The following EIF4EBP1 variants were observed in gnomAD, a reference collection of about 807,000 sequenced individuals.
EIF4EBP1 encodes eukaryotic translation initiation factor 4E-binding protein 1.
A neutral mutation model predicts 9.2 loss-of-function variants in EIF4EBP1; 5 were observed. The observed-to-expected ratio is 0.54, with a 90% CI of 0.28 to 1.14. The LOEUF (loss-of-function observed/expected upper bound fraction) is 1.14. EIF4EBP1 is among the 50% of genes most tolerant of loss of function. The pLI is 0.09. For missense variants in EIF4EBP1, 139 were observed against 169.6 expected, an observed-to-expected ratio of 0.82 and a Z score of 1.00; for synonymous variants, 62 against 67.0, an observed-to-expected ratio of 0.93 and a Z score of 0.36.
In EIF4EBP1 at chr8:38,045,585, G is replaced by C. The variant is rs189176996; in HGVS notation, c.146-11496G>C. On this transcript the variant is annotated intron_variant, in intron 1 of 2. Coordinates refer to ENST00000338825, the MANE Select transcript of EIF4EBP1 (RefSeq NM_004095.4). The stretch of plus-strand genomic sequence containing the variant: ...CTGGGCATGGTGGTGCATGCCTGTA[G>C]TCCCAGCTACTTGGGAGGCTGAGGC... Among the ~76,000 whole-genome samples, 4 of 151,620 alleles carry C rather than the reference G, an allele frequency of 2.6e-5. 1 individual carries two copies. Among genetic ancestry groups the C allele is most frequent in the Admixed American group, 1.3e-4 (2 of 15,206 alleles).
chr8:38,032,542 C>T (rs1199075082), intron 1 of EIF4EBP1, among the ~76,000 whole-genome samples: 1 of 152,152 alleles, frequency 6.6e-6, no homozygotes, highest in Non-Finnish European at 1.5e-5. Context: ...TTCAAATCCA[C>T]TTTTCACTTT....
chr8:38,044,978 A>G (rs555128365), intron 1 of EIF4EBP1, among the ~76,000 whole-genome samples: 2 of 152,280 alleles, frequency 1.3e-5, no homozygotes, highest in Non-Finnish European at 2.9e-5. Flanking sequence ...GCCTTCATTC[A>G]TGCAGCACTC....
Position 38,060,078 on chromosome 8 carries a change from T to C in EIF4EBP1, c.*143T>C. 1.3e-6 allele frequency: 1 copy of C among 777,222 alleles called. No homozygotes were observed. Among genetic ancestry groups the C allele is most frequent in the Non-Finnish European group, 2.3e-6 (1 of 443,096 alleles). The allele number at this position is 777,222 out of a possible 1,614,324, so 48.1% of individuals were successfully genotyped here. The stretch of plus-strand genomic sequence containing the variant: ...GACACCCCAGCCCTTTCTCCCTCAC[T>C]CAGGGCACCTGCCCCCTCCTCTTCG... On this transcript the variant is annotated 3_prime_UTR_variant, in exon 3 of 3. Transcript: ENST00000338825.
intron 2 of EIF4EBP1, among the ~76,000 whole-genome samples, chr8:38,059,577 C>T (rs938742210): frequency 1.8e-4 from 28 of 151,928 alleles, no homozygotes; most frequent in African/African-American, 6.5e-4. Flanking sequence ...CATGGCAAAA[C>T]CCCGGGTCTA....
chr8:38,043,728 G>T (rs1486783821), intron 1 of EIF4EBP1, among the ~76,000 whole-genome samples: 2 of 152,088 alleles, frequency 1.3e-5, no homozygotes, highest in Admixed American at 1.3e-4. Flanking sequence ...TCCCCATCTG[G>T]TATCCAGCAG....
chr8:38,052,869 C>A (rs60005996), intron 1 of EIF4EBP1, among the ~76,000 whole-genome samples: 12,226 of 152,190 alleles, frequency 0.08, 1,341 homozygotes, highest in African/African-American at 0.25. Flanking sequence ...TGACTTTCTG[C>A]ATGCTGCTGT....
Position 38,030,555 on chromosome 8 carries a change from G to C in EIF4EBP1, c.-19G>C, listed in dbSNP as rs1219265163. ...CGGGAGGGCAGCGAGAGGTTCGCGG[G>C]TGCAGCGCACAGGAGACCATGTCCG... On this transcript the variant is annotated 5_prime_UTR_variant, in exon 1 of 3. Transcript: ENST00000338825. 2.0e-6 allele frequency: 3 copies of C among 1,498,058 alleles called. No homozygotes were observed. In the African/African-American group the frequency reaches 4.4e-5, roughly 22 times the overall value. The allele number at this position is 1,498,058 out of a possible 1,614,324, so 92.8% of individuals were successfully genotyped here. A position where few individuals can be genotyped will look rare whatever the true frequency, so the allele number is the denominator to read the frequency against.
At chr8:38,039,616 C>T (rs927336362) in intron 1 of EIF4EBP1, among the ~76,000 whole-genome samples, 3 of 151,886 alleles carry the variant, frequency 2.0e-5, no homozygotes, top group Admixed American at 1.3e-4. Flanking sequence ...GTTGGCCAGG[C>T]TGGTCTCAAA....
At chr8:38,056,080 C>T (rs1385606566) in intron 1 of EIF4EBP1, among the ~76,000 whole-genome samples, 1 of 151,978 alleles carries the variant, frequency 6.6e-6, no homozygotes, top group African/African-American at 2.4e-5. Flanking sequence ...CAGCCTGGAC[C>T]TCCTGGGCTC....
intron 1 of EIF4EBP1, among the ~76,000 whole-genome samples, chr8:38,041,632 C>T (rs915784647): frequency 2.6e-5 from 4 of 152,184 alleles, no homozygotes; most frequent in African/African-American, 9.7e-5. Flanking sequence ...AGGACACCTT[C>T]CTAAAGGTAC....
chr8:38,032,249 A>G (rs530438004), intron 1 of EIF4EBP1, among the ~76,000 whole-genome samples: 1 of 152,324 alleles, frequency 6.6e-6, no homozygotes, highest in East Asian at 1.9e-4. Context: ...ACCAAGGTTC[A>G]CACCTGTAAT....
intron 1 of EIF4EBP1, 43 bp from the exon 2 acceptor site, chr8:38,057,038 A>C: frequency 1.9e-6 from 3 of 1,604,020 alleles, no homozygotes; most frequent in Non-Finnish European, 2.6e-6. Context: ...CCGGCAGGCA[A>C]GAGGCTGCAG....
At chr8:38,057,028 C>A (rs898824518) in intron 1 of EIF4EBP1, 53 bp from the exon 2 acceptor site, 488 of 1,592,112 alleles carry the variant, frequency 3.1e-4, no homozygotes, top group Non-Finnish European at 3.8e-4. Flanking sequence ...AGTGGAAAAA[C>A]CGGCAGGCAA....
rs1414991723 is a variant in EIF4EBP1, at chr8:38,030,644, G to A, written c.71G>A (p.Gly24Asp). Reference sequence around the variant, plus strand: ...CCCGCCACTCGCCGGGTGGTGCTCGGCGACGGCGTGCAGCTCCCGCCCGGG... The same window carrying A: ...CCCGCCACTCGCCGGGTGGTGCTCGACGACGGCGTGCAGCTCCCGCCCGGG... ...AIPATRRVVLGDGVQLPPGDY... is the reference protein window; with the variant it reads ...AIPATRRVVLDDGVQLPPGDY... The change falls in exon 1 of 3, where the codon GGC (glycine) becomes GAC (aspartate). Residue 24 changes from glycine to aspartate, a missense_variant. Gly to Asp is a moderately conservative substitution (Grantham distance 94). Transcript: ENST00000338825. 1.3e-6 allele frequency: 2 copies of A among 1,510,018 alleles called. No homozygotes were observed. Among genetic ancestry groups the A allele is most frequent in the Non-Finnish European group, 1.8e-6 (2 of 1,136,200 alleles). 93.5% of individuals were successfully genotyped at this position (1,510,018 alleles called of 1,614,324 possible). A position where few individuals can be genotyped will look rare whatever the true frequency, so the allele number is the denominator to read the frequency against.
chr8:38,043,829 T>C (rs1260915427), intron 1 of EIF4EBP1, among the ~76,000 whole-genome samples: 1 of 152,150 alleles, frequency 6.6e-6, no homozygotes, highest in African/African-American at 2.4e-5. Context: ...AAGAAAAGTC[T>C]TGGACTGAGT....
At chr8:38,042,028 T>C (rs939397922) in intron 1 of EIF4EBP1, among the ~76,000 whole-genome samples, 2 of 151,174 alleles carry the variant, frequency 1.3e-5, no homozygotes, top group Non-Finnish European at 2.9e-5. Flanking sequence ...CAGGTGGCCA[T>C]GATGCTGGAC....
rs56390718 is a variant in EIF4EBP1, at chr8:38,039,402, C to CTT, written c.145+8704_145+8705dup. On this transcript the variant is annotated intron_variant, in intron 1 of 2. Transcript: ENST00000338825. ...TTCAGTAGGTTAGGTGTACTAAATA[C>CTT]TTTTTTTTTTTTTTTTTTTTTGAGT... Among the ~76,000 whole-genome samples, 323 of 89,010 alleles carry CTT rather than the reference C, an allele frequency of 3.6e-3. 2 individuals are homozygous for CTT. The highest frequency in any genetic ancestry group is 0.012 in the African/African-American group (281 of 24,128). The allele number at this position is 89,010 out of a possible 152,430, so 58.4% of individuals were successfully genotyped here.
At chr8:38,049,020 G>C (rs1363423854) in intron 1 of EIF4EBP1, among the ~76,000 whole-genome samples, 1 of 151,610 alleles carries the variant, frequency 6.6e-6, no homozygotes, top group Non-Finnish European at 1.5e-5. Context: ...AGCTACTCGG[G>C]AGGCTGAGGC....
intron 1 of EIF4EBP1, among the ~76,000 whole-genome samples, chr8:38,055,668 G>A (rs376968592): frequency 1.8e-4 from 27 of 151,838 alleles, no homozygotes; most frequent in African/African-American, 6.3e-4. Context: ...ATGGAACACC[G>A]GATTCACTTG....
Sources: allele counts gnomAD v4.1 joint callset (sites outside exome capture counted in the v4.1 genomes callset), GRCh38; gene constraint gnomAD v4.1.1; transcripts MANE v1.5; gene names NCBI Gene and HGNC (gene_info 2026-07-23, HGNC 2026-07-21).